CACNG7: variants seen among roughly 807,000 people sequenced by gnomAD.
CACNG7 encodes calcium voltage-gated channel auxiliary subunit gamma 7, also known as voltage-dependent calcium channel gamma-7 subunit.
In CACNG7, 9 loss-of-function variants were observed where a neutral mutation model predicts 26.3. That is an observed-to-expected ratio of 0.34 (90% CI 0.21 to 0.60). CACNG7 has a LOEUF of 0.60. CACNG7 is among the 20% of genes least tolerant of loss of function. CACNG7 has a pLI of 0.81. For missense variants in CACNG7, 297 were observed against 380.4 expected, an observed-to-expected ratio of 0.78 and a Z score of 1.82; for synonymous variants, 170 against 157.0, an observed-to-expected ratio of 1.08 and a Z score of -0.62.
chr19:53,929,125 A>AAAC (rs1326173475), intron 4 of CACNG7, among the ~76,000 whole-genome samples: 1 of 150,942 alleles, frequency 6.6e-6, no homozygotes, highest in African/African-American at 2.4e-5. Context: ...AAAAAAACAA[A>AAAC]AAAAAAAAAA....
intron 3 of CACNG7, 61 bp from the exon 4 acceptor site, chr19:53,915,304 T>C (rs1420433908): frequency 1.5e-6 from 2 of 1,293,796 alleles, no homozygotes; most frequent in Non-Finnish European, 2.2e-6. Flanking sequence ...GGTCAAGGAA[T>C]GGGGAAGTGT....
intron 4 of CACNG7, 90 bp from the exon 5 acceptor site, chr19:53,941,380 T>C: frequency 7.1e-7 from 1 of 1,402,630 alleles, no homozygotes. Flanking sequence ...CAGGACAGAA[T>C]GGGGAGGAGG....
chr19:53,928,987 T>C (rs2069052558), intron 4 of CACNG7, among the ~76,000 whole-genome samples: 1 of 151,640 alleles, frequency 6.6e-6, no homozygotes, highest in African/African-American at 2.4e-5. Context: ...CGCACGTCTG[T>C]AATCTCAGCT....
intron 4 of CACNG7, among the ~76,000 whole-genome samples, chr19:53,924,460 A>G (rs2069004308): frequency 1.6e-5 from 2 of 124,932 alleles, no homozygotes; most frequent in South Asian, 2.7e-4. Flanking sequence ...AGGTCTGGTC[A>G]TTGGTGGAGT....
chr19:53,921,888 C>CATTGGTGGAGTTGTCCCCAGGTCTGGT (rs2068959315), intron 4 of CACNG7, among the ~76,000 whole-genome samples: 1 of 77,682 alleles, frequency 1.3e-5, no homozygotes, highest in East Asian at 3.3e-4. Context: ...CCAGGCTGGT[C>CATTGGTGGAGTTGTCCCCAGGTCTGGT]ATTGGTGGAG....
At position 53,918,680 on chromosome 19, in the gene CACNG7, C is replaced by T. The variant is rs538727660; in HGVS notation, c.424+3175C>T. Among the ~76,000 whole-genome samples the T allele has an allele frequency of 2.6e-5, 4 of 152,320 alleles. No homozygotes were observed. The East Asian group carries it at 7.7e-4, about 29-fold the overall frequency. ...AATAAATGTAGTAATGATAGTAGTACTAGCGGTGGTGGTGCTGGTGCTGGT... is the reference window on the plus strand; with the variant it reads ...AATAAATGTAGTAATGATAGTAGTATTAGCGGTGGTGGTGCTGGTGCTGGT... On this transcript the variant is annotated intron_variant, in intron 4 of 5. Coordinates refer to ENST00000391767, the MANE Select transcript of CACNG7 (RefSeq NM_031896.5).
chr19:53,914,629 A>C, intron 3 of CACNG7, 43 bp downstream of exon 3: 441 of 1,553,464 alleles, frequency 2.8e-4, no homozygotes, highest in Non-Finnish European at 3.6e-4. Context: ...CAGCAAGATC[A>C]CAGCCGAGTC....
rs2068846995 is a variant in CACNG7 at position 53,909,305 on chromosome 19, T to G, written c.-242T>G. 2 of 145,440 alleles carry G rather than the reference T, an allele frequency of 1.4e-5. No individual in the cohort carries two copies. Among genetic ancestry groups the G allele is most frequent in the East Asian group, 2.2e-4 (1 of 4,596 alleles). The allele number at this position is 145,440 out of a possible 1,614,324, so 9.0% of individuals were successfully genotyped here. On this transcript the variant is annotated 5_prime_UTR_variant, in exon 1 of 6. Coordinates refer to ENST00000391767, the MANE Select transcript of CACNG7 (RefSeq NM_031896.5). This position sits in a 1 kb window ranked among gnomAD's most constrained non-coding sequence, Gnocchi z 5.1. ...TAGCCAATGAGCGGCCGCCGGTTCC[T>G]GCTCCCGGCTCCGTCCGCCGAGTGA...
chr19:53,923,775 G>T (rs1261602894), intron 4 of CACNG7, among the ~76,000 whole-genome samples: 1 of 134,750 alleles, frequency 7.4e-6, no homozygotes, highest in Non-Finnish European at 1.6e-5. Flanking sequence ...CCCAGGTCTG[G>T]TCATTGGTGC....
chr19:53,937,613 G>A (rs1019261442), intron 4 of CACNG7, among the ~76,000 whole-genome samples: 4 of 101,980 alleles, frequency 3.9e-5, no homozygotes, highest in Non-Finnish European at 7.1e-5. Flanking sequence ...CCTCCTTCTC[G>A]GAGTTTTGCT....
chr19:53,913,050 A>G, intron 2 of CACNG7, 23 bp downstream of exon 2: 1 of 1,594,118 alleles, frequency 6.3e-7, no homozygotes, highest in Non-Finnish European at 8.6e-7. Context: ...CCCGTCTTCC[A>G]CTCAACAGTT....
intron 4 of CACNG7, among the ~76,000 whole-genome samples, chr19:53,920,752 C>T (rs550769656): frequency 2.9e-5 from 3 of 102,902 alleles, no homozygotes; most frequent in African/African-American, 5.6e-5. Flanking sequence ...GGTGGAGTTG[C>T]CCCAGGTCTG....
At chr19:53,941,985 C>A (rs762300544) in intron 5 of CACNG7, 51 bp from the exon 6 acceptor site, 1 of 1,517,340 alleles carries the variant, frequency 6.6e-7, no homozygotes, top group African/African-American at 1.4e-5. Flanking sequence ...AGTCGGGGTC[C>A]GGGGATGCGC....
At chr19:53,919,685 G>C (rs932274457) in intron 4 of CACNG7, among the ~76,000 whole-genome samples, 1 of 129,600 alleles carries the variant, frequency 7.7e-6, no homozygotes, top group African/African-American at 3.0e-5. Flanking sequence ...TATTGGTGGA[G>C]TTGCCCCAGG....
At chr19:53,926,171 T>C (rs1434596452) in intron 4 of CACNG7, among the ~76,000 whole-genome samples, 1 of 152,164 alleles carries the variant, frequency 6.6e-6, no homozygotes, top group African/African-American at 2.4e-5. Flanking sequence ...CACTTTTTCT[T>C]AAATCCCTTC....
intron 4 of CACNG7, among the ~76,000 whole-genome samples, chr19:53,931,615 G>A (rs146583057): frequency 0.033 from 4,914 of 148,558 alleles, 118 homozygotes; most frequent in Non-Finnish European, 0.05. Context: ...TTGAACTCAG[G>A]AGGTGGAGGT....
At chr19:53,923,387 TC>T (rs1165237741) in intron 4 of CACNG7, among the ~76,000 whole-genome samples, 3 of 125,722 alleles carry the variant, frequency 2.4e-5, no homozygotes, top group Non-Finnish European at 5.0e-5. Context: ...GGTGGAGTTG[TC>T]CCCAGGTCTG....
chr19:53,914,337 A>T (rs2068881076), intron 2 of CACNG7, among the ~76,000 whole-genome samples, 163 bp from the exon 3 acceptor site: 1 of 151,070 alleles, frequency 6.6e-6, no homozygotes, highest in Admixed American at 6.6e-5. Context: ...ACATCCACCC[A>T]CCCGCTTTCC....
chr19:53,931,493 C>T (rs2069071106), intron 4 of CACNG7, among the ~76,000 whole-genome samples: 1 of 151,660 alleles, frequency 6.6e-6, no homozygotes, highest in Non-Finnish European at 1.5e-5. Flanking sequence ...TTGAGACCAG[C>T]CTGACCAACA....
Sources: gnomAD v4.1 joint callset for allele counts (sites outside exome capture counted in the v4.1 genomes callset) on GRCh38, gnomAD v4.1.1 for gene constraint, Gnocchi (gnomAD v3.1) non-coding constraint, MANE v1.5 for transcripts, NCBI Gene and HGNC (gene_info 2026-07-23, HGNC 2026-07-21) for gene names.